Variants in LYPLA1 observed in about 807,000 individuals in gnomAD.
LYPLA1 encodes the protein acyl-protein thioesterase 1.
A neutral mutation model predicts 34.0 loss-of-function variants in LYPLA1; 17 were observed. That is an observed-to-expected ratio of 0.50 (90% CI 0.34 to 0.75). The LOEUF (loss-of-function observed/expected upper bound fraction) is 0.75, where lower values mean the gene tolerates loss of function less well. Ranked by LOEUF, LYPLA1 falls within the 30% of genes least tolerant of loss-of-function variation. The pLI is 0.01. For missense variants in LYPLA1, 203 were observed against 288.8 expected (o/e 0.70, Z 2.15); for synonymous variants, 98 against 100.8 (o/e 0.97, Z 0.17).
intron 2 of LYPLA1, among the ~76,000 whole-genome samples, chr8:54,095,288 C>T (rs908861550): frequency 5.3e-5 from 8 of 152,098 alleles, no homozygotes; most frequent in African/African-American, 1.9e-4. Flanking sequence ...TGAGCCACTG[C>T]ACCCGGCCAG....
At chr8:54,060,222 T>C (rs2129330906) in intron 5 of LYPLA1, among the ~76,000 whole-genome samples, 1 of 152,156 alleles carries the variant, frequency 6.6e-6, no homozygotes, top group Admixed American at 6.5e-5. Context: ...GCCTCCCAGG[T>C]TCAAACAATT....
chr8:54,086,296 G>T (rs548729774), intron 2 of LYPLA1, among the ~76,000 whole-genome samples: 1 of 151,408 alleles, frequency 6.6e-6, no homozygotes, highest in African/African-American at 2.4e-5. Context: ...TGAGGAAGGC[G>T]GCAGGGCCCT....
At chr8:54,080,831 G>A (rs544028347) in intron 2 of LYPLA1, among the ~76,000 whole-genome samples, 87 of 152,232 alleles carry the variant, frequency 5.7e-4, no homozygotes, top group African/African-American at 1.8e-3. Flanking sequence ...CAAGTGATCC[G>A]CCTGCCTTGG....
Position 54,063,337 on chromosome 8 carries a change from A to G in LYPLA1, c.206T>C (p.Met69Thr), listed in dbSNP as rs1309996733. 2 of 1,529,810 alleles carry G rather than the reference A, an allele frequency of 1.3e-6. No homozygotes were observed. Among genetic ancestry groups the G allele is most frequent in the Admixed American group, 4.1e-5 (2 of 49,356 alleles). 94.8% of individuals were successfully genotyped at this position (1,529,810 alleles called of 1,614,324 possible). ...GTAAATTCTTACTTACCATGAAGGC[A>G]TAGCCACGTTCATATTTAATGTAAC... ...RPVTLNMNVA[M>T]PSWFDIIGLS... Residue 69 changes from methionine to threonine, a missense_variant, in exon 4 of 9, where the codon ATG becomes ACG. By Grantham distance (81) the Met-to-Thr change is moderately conservative. Coordinates refer to ENST00000316963, the MANE Select transcript of LYPLA1 (RefSeq NM_006330.4).
At chr8:54,080,963 G>T (rs915975205) in intron 2 of LYPLA1, among the ~76,000 whole-genome samples, 35 of 152,186 alleles carry the variant, frequency 2.3e-4, no homozygotes, top group African/African-American at 8.0e-4. Flanking sequence ...CCATACCAAA[G>T]AACTCTATAC....
Position 54,047,028 on chromosome 8 carries a change from TCTATA to T in LYPLA1, c.*1032_*1036del, listed in dbSNP as rs1193068905. ...GGTTTCAAACGTGTACAAAGTAAAC[TCTATA>T]CTATGAGAAGATGAAATCATCTTAG... On this transcript the variant is annotated 3_prime_UTR_variant, in exon 9 of 9. Coordinates refer to ENST00000316963, the MANE Select transcript of LYPLA1 (RefSeq NM_006330.4). 1.3e-5 allele frequency: 2 copies of T among 152,156 alleles called. No individual in the cohort carries two copies. Among genetic ancestry groups the T allele is most frequent in the African/African-American group, 4.8e-5 (2 of 41,454 alleles). 9.4% of individuals were successfully genotyped at this position (152,156 alleles called of 1,614,324 possible). A position where few individuals can be genotyped will look rare whatever the true frequency, so the allele number is the denominator to read the frequency against.
rs1052527363 is a variant in LYPLA1, at chr8:54,051,035, T to C, written c.616A>G (p.Met206Val). The C allele has an allele frequency of 9.3e-6, 15 of 1,613,326 alleles. No homozygotes were observed. The highest frequency in any genetic ancestry group is 1.3e-5 in the Non-Finnish European group (15 of 1,179,518). ...ANVTFKTYEGMMHSSCQQEMM... is the reference protein window; with the variant it reads ...ANVTFKTYEGVMHSSCQQEMM... ...ACCTGTTGACACGAACTGTGCATCA[T>C]ACCTTCATAGGTTTTAAAGGTCACA... is the stretch of plus-strand genomic sequence containing the variant. The change falls in exon 8 of 9, where the codon ATG becomes GTG. Residue 206 changes from methionine (M) to valine (V), a missense_variant. Transcript: ENST00000316963.
intron 5 of LYPLA1, among the ~76,000 whole-genome samples, chr8:54,056,586 C>A (rs1276650722): frequency 6.6e-6 from 1 of 152,096 alleles, no homozygotes; most frequent in African/African-American, 2.4e-5. Context: ...GGAGCTTTAA[C>A]AACTCTATAG....
chr8:54,074,874 G>C (rs28813536), intron 2 of LYPLA1, among the ~76,000 whole-genome samples: 5,827 of 152,292 alleles, frequency 0.038, 379 homozygotes, highest in African/African-American at 0.13. Context: ...AATCAGGAGA[G>C]TCTTCTGCCT....
chr8:54,083,773 GA>G, intron 2 of LYPLA1, among the ~76,000 whole-genome samples: 1 of 152,262 alleles, frequency 6.6e-6, no homozygotes, highest in East Asian at 1.9e-4. Context: ...ACGCAGCAGC[GA>G]AAATGCATAG....
chr8:54,045,196 G>A (rs776939661), downstream of LYPLA1, among the ~76,000 whole-genome samples: 1 of 152,146 alleles, frequency 6.6e-6, no homozygotes, highest in Non-Finnish European at 1.5e-5. Context: ...GCTTAGTATA[G>A]TGCCCAGCAT....
At chr8:54,055,335 T>TA (rs1471367362) in intron 5 of LYPLA1, among the ~76,000 whole-genome samples, 1 of 152,030 alleles carries the variant, frequency 6.6e-6, no homozygotes, top group Non-Finnish European at 1.5e-5. Context: ...AAGGAAATTT[T>TA]AAAAAAATCA....
chr8:54,076,612 C>T (rs1005093973), intron 2 of LYPLA1, among the ~76,000 whole-genome samples: 1 of 152,066 alleles, frequency 6.6e-6, no homozygotes, highest in African/African-American at 2.4e-5. Flanking sequence ...TCATAATGGC[C>T]CTAATGCTCA....
rs763907447 is a variant in LYPLA1, at chr8:54,101,848, G to C, written c.-25C>G. On this transcript the variant is annotated 5_prime_UTR_variant, in exon 1 of 9. Coordinates refer to ENST00000316963, the MANE Select transcript of LYPLA1 (RefSeq NM_006330.4). ...TACACCGCCTCAGCTCACAGCGCAA[G>C]CGGAAGGAAGAGCGGGCGCCCGGCC... 8.1e-7 allele frequency: 1 copy of C among 1,241,160 alleles called. No homozygotes were observed. The highest frequency in any genetic ancestry group is 3.8e-5 in the Admixed American group (1 of 26,490). 76.9% of individuals were successfully genotyped at this position (1,241,160 alleles called of 1,614,324 possible).
At chr8:54,073,364 A>G in intron 2 of LYPLA1, 1 of 800,976 alleles carries the variant, frequency 1.2e-6, no homozygotes, top group Non-Finnish European at 2.3e-6. Context: ...TCTGTGCCCC[A>G]TGACACCTGG....
chr8:54,084,141 A>ATAT (rs1554547935), intron 2 of LYPLA1, among the ~76,000 whole-genome samples: 4 of 118,646 alleles, frequency 3.4e-5, no homozygotes, highest in African/African-American at 9.2e-5. Flanking sequence ...AAAATAAATA[A>ATAT]ATATATATAT....
At chr8:54,045,445 AG>A (rs1805453955), downstream of LYPLA1, 1 of 152,240 alleles carries the variant, frequency 6.6e-6, no homozygotes, top group African/African-American at 2.4e-5. Context: ...TATTTTTAAA[AG>A]GATCATGAAC....
At chr8:54,078,740 G>C (rs1437440988) in intron 2 of LYPLA1, among the ~76,000 whole-genome samples, 2 of 152,020 alleles carry the variant, frequency 1.3e-5, no homozygotes, top group African/African-American at 2.4e-5. Context: ...GAAAACATTT[G>C]GGAAATCATT....
chr8:54,052,829 C>A, intron 6 of LYPLA1, 73 bp from the exon 7 acceptor site: 1 of 883,378 alleles, frequency 1.1e-6, no homozygotes, highest in Non-Finnish European at 1.8e-6. Flanking sequence ...TATCTTGTTA[C>A]TAATGATATC....
Sources: allele counts gnomAD v4.1 joint callset (sites outside exome capture counted in the v4.1 genomes callset), GRCh38; gene constraint gnomAD v4.1.1; transcripts MANE v1.5; gene names NCBI Gene and HGNC (gene_info 2026-07-23, HGNC 2026-07-21).